ZDHHC23: variants seen among roughly 807,000 people sequenced by gnomAD.
ZDHHC23 encodes the protein zDHHC palmitoyltransferase 23, also known as palmitoyltransferase ZDHHC23.
A neutral mutation model predicts 40.2 loss-of-function variants in ZDHHC23; 41 were observed. The observed-to-expected ratio is 1.02, with a 90% CI of 0.79 to 1.32. The LOEUF (loss-of-function observed/expected upper bound fraction) is 1.32. ZDHHC23 is among the 40% of genes most tolerant of loss of function. ZDHHC23 has a pLI of 0.00. For synonymous variants in ZDHHC23, 204 were observed against 210.2 expected (o/e 0.97, Z 0.26); for missense variants, 471 against 541.5 (o/e 0.87, Z 1.29).
downstream of ZDHHC23, chr3:113,965,407 C>T (rs1257379171): frequency 1.6e-6 from 2 of 1,221,698 alleles, no homozygotes; most frequent in Non-Finnish European, 2.3e-6. Flanking sequence ...AAAAAGTTGG[C>T]TTTCCATCTA....
chr3:113,977,563 A>G, the ZDHHC23 span, among the ~76,000 whole-genome samples: 1 of 152,246 alleles, frequency 6.6e-6, no homozygotes, highest in African/African-American at 2.4e-5. Context: ...ATATAGTATG[A>G]TTCCATGTAT....
intron 2 of ZDHHC23, 82 bp downstream of exon 2, chr3:113,949,045 A>T: frequency 6.5e-7 from 1 of 1,546,256 alleles, no homozygotes; most frequent in Non-Finnish European, 8.8e-7. Context: ...GCCACCCAGA[A>T]TGCTAGAATT....
chr3:113,948,968 G>C lies in ZDHHC23; in HGVS notation c.161+5G>C. ...TCTGGATGAAGGGTGTGATCGGTAA[G>C]AACAGAGCATTTCTTGACGCTGGCC... On this transcript the variant is annotated splice_donor_5th_base_variant and intron_variant, in intron 2 of 4. Transcript: ENST00000638807. 1 of 1,614,132 alleles carries C rather than the reference G, an allele frequency of 6.2e-7. No homozygotes were observed. Among genetic ancestry groups the C allele is most frequent in the Non-Finnish European group, 8.5e-7 (1 of 1,180,010 alleles).
At chr3:113,965,202 G>A, downstream of ZDHHC23, 1 of 1,610,728 alleles carries the variant, frequency 6.2e-7, no homozygotes, top group Non-Finnish European at 8.5e-7. Context: ...GTATCTGATT[G>A]CTGATATAGC....
In ZDHHC23 at chr3:113,959,410, T is replaced by C; in HGVS notation, c.*780T>C. The C allele has an allele frequency of 8.3e-7, 1 of 1,203,914 alleles. No homozygotes were observed. Among genetic ancestry groups the C allele is most frequent in the Non-Finnish European group, 1.1e-6 (1 of 930,790 alleles). 74.6% of individuals were successfully genotyped at this position (1,203,914 alleles called of 1,614,324 possible). Reference sequence around the variant, plus strand: ...TTGCTAGTGTAATGTAGTGTGGCCATGAGTTTAGGTGATGAGTTCTTCTAT... The same window carrying C: ...TTGCTAGTGTAATGTAGTGTGGCCACGAGTTTAGGTGATGAGTTCTTCTAT... On this transcript the variant is annotated 3_prime_UTR_variant, in exon 5 of 5. Transcript: ENST00000638807.
At position 113,960,877 on chromosome 3, in the gene ZDHHC23, T is replaced by C; in HGVS notation, c.*2247T>C. On this transcript the variant is annotated 3_prime_UTR_variant, in exon 5 of 5. Transcript: ENST00000638807. ...CTTAAACCTGTCAAAAGATGAGTGATCTTGTGTGGGAAAAGCCTTCCCAGG... is the reference window on the plus strand; with the variant it reads ...CTTAAACCTGTCAAAAGATGAGTGACCTTGTGTGGGAAAAGCCTTCCCAGG... 1 of 1,350,206 alleles carries C rather than the reference T, an allele frequency of 7.4e-7. No individual in the cohort carries two copies. The highest frequency in any genetic ancestry group is 3.1e-5 in the Admixed American group (1 of 32,758). The allele number at this position is 1,350,206 out of a possible 1,614,324, so 83.6% of individuals were successfully genotyped here. A position where few individuals can be genotyped will look rare whatever the true frequency, so the allele number is the denominator to read the frequency against.
At chr3:113,955,127 G>A (rs577281861) in intron 3 of ZDHHC23, among the ~76,000 whole-genome samples, 2 of 152,342 alleles carry the variant, frequency 1.3e-5, no homozygotes, top group South Asian at 4.1e-4. Flanking sequence ...TCTTCAGGCA[G>A]TCGTGATCAA....
rs1559851713 is a variant in ZDHHC23, at chr3:113,959,278, C to G, written c.*648C>G. On this transcript the variant is annotated 3_prime_UTR_variant, in exon 5 of 5. Coordinates refer to ENST00000638807, the MANE Select transcript of ZDHHC23 (RefSeq NM_001320466.2). Reference sequence around the variant, plus strand: ...TTGTTGTACAGTTATGAGAATTTCTCCTTCTTATTAGACATGAACTACTCA... The same window carrying G: ...TTGTTGTACAGTTATGAGAATTTCTGCTTCTTATTAGACATGAACTACTCA... The G allele has an allele frequency of 1.8e-6, 2 of 1,083,568 alleles. No individual in the cohort carries two copies. The highest frequency in any genetic ancestry group is 1.2e-4 in the East Asian group (2 of 16,372). 67.1% of individuals were successfully genotyped at this position (1,083,568 alleles called of 1,614,324 possible). A position where few individuals can be genotyped will look rare whatever the true frequency, so the allele number is the denominator to read the frequency against.
chr3:113,949,341 G>A (rs72954674), intron 2 of ZDHHC23, among the ~76,000 whole-genome samples: 4,088 of 152,296 alleles, frequency 0.027, 208 homozygotes, highest in African/African-American at 0.093. Context: ...AGCATTTAGA[G>A]ACTGACTACT....
chr3:113,966,465 G>A (rs2107544044), downstream of ZDHHC23, among the ~76,000 whole-genome samples: 1 of 152,288 alleles, frequency 6.6e-6, no homozygotes, highest in African/African-American at 2.4e-5. Flanking sequence ...CAGCACAGAG[G>A]ACTACCCAGT....
downstream of ZDHHC23, among the ~76,000 whole-genome samples, chr3:113,969,212 T>C (rs931846731): frequency 1.3e-5 from 2 of 152,226 alleles, no homozygotes; most frequent in African/African-American, 2.4e-5. Context: ...CCGTCCAACA[T>C]TGAGGATCAG....
intron 2 of ZDHHC23, among the ~76,000 whole-genome samples, chr3:113,950,395 T>C (rs895267452): frequency 2.0e-5 from 3 of 152,224 alleles, no homozygotes; most frequent in African/African-American, 7.2e-5. Flanking sequence ...CAGTGTCTGG[T>C]GAGGGCCCTT....
chr3:113,974,346 G>A, the ZDHHC23 span, among the ~76,000 whole-genome samples: 2 of 150,348 alleles, frequency 1.3e-5, no homozygotes, highest in African/African-American at 4.9e-5. Flanking sequence ...TGGAGATGGA[G>A]TCTTGCTCAA....
chr3:113,968,874 C>A (rs1308192546), downstream of ZDHHC23, among the ~76,000 whole-genome samples: 1 of 151,928 alleles, frequency 6.6e-6, no homozygotes, highest in African/African-American at 2.4e-5. Context: ...TAAAGGAACA[C>A]CTGAGGCTGG....
At chr3:113,969,303 A>T (rs1252849452), downstream of ZDHHC23, among the ~76,000 whole-genome samples, 1 of 152,200 alleles carries the variant, frequency 6.6e-6, no homozygotes, top group Admixed American at 6.5e-5. Flanking sequence ...TCTGTGGGTT[A>T]TCTCTTCACT....
chr3:113,949,216 G>C (rs552709512), intron 2 of ZDHHC23, among the ~76,000 whole-genome samples: 8 of 152,320 alleles, frequency 5.3e-5, no homozygotes, highest in Middle Eastern at 3.4e-3. Flanking sequence ...GAGAGAACAG[G>C]CAGTTTAAAG....
downstream of ZDHHC23, among the ~76,000 whole-genome samples, chr3:113,967,724 T>C (rs1379613543): frequency 1.3e-5 from 2 of 152,176 alleles, no homozygotes; most frequent in Non-Finnish European, 2.9e-5. Flanking sequence ...CTATTGAACA[T>C]TAGGCCTTAT....
At chr3:113,976,057 G>A in the ZDHHC23 span, among the ~76,000 whole-genome samples, 2 of 152,044 alleles carry the variant, frequency 1.3e-5, no homozygotes, top group South Asian at 4.1e-4. Flanking sequence ...TAGAGTTTGA[G>A]ATCAGCCTGG....
rs1221908830 is a variant in ZDHHC23, at chr3:113,953,889, G to T, written c.351G>T (p.Leu117Phe). 1.2e-6 allele frequency: 2 copies of T among 1,614,068 alleles called. No individual in the cohort carries two copies. The highest frequency in any genetic ancestry group is 2.2e-5 in the South Asian group (2 of 91,080). ...SWHFLLGVVV[L>F]TSLPVLALWY... The stretch of plus-strand genomic sequence containing the variant: ...ATTTCCTCCTGGGGGTGGTGGTTTT[G>T]ACCTCCCTTCCTGTGCTGGCACTGT... The change falls in exon 3 of 5, where the codon TTG becomes TTT. Residue 117 changes from leucine to phenylalanine, a missense_variant. Leu to Phe is a conservative substitution (Grantham distance 22, BLOSUM62 0). Transcript: ENST00000638807.
Sources: gnomAD v4.1 joint callset for allele counts (sites outside exome capture counted in the v4.1 genomes callset) on GRCh38, gnomAD v4.1.1 for gene constraint, MANE v1.5 for transcripts, NCBI Gene and HGNC (gene_info 2026-07-23, HGNC 2026-07-21) for gene names.